TNRC6A: variants seen among roughly 807,000 people sequenced by gnomAD.
The protein encoded by TNRC6A is trinucleotide repeat-containing gene 6A protein.
TNRC6A carries 44 observed loss-of-function variants against 221.2 expected under a neutral mutation model. The ratio of observed to expected loss-of-function variants is 0.20; its 90% CI spans 0.16 to 0.26. The LOEUF (loss-of-function observed/expected upper bound fraction) is 0.26, where lower values mean the gene tolerates loss of function less well. Ranked by LOEUF, TNRC6A falls within the 10% of genes least tolerant of loss-of-function variation. The probability of loss-of-function intolerance (pLI) is 1.00; values close to 1 mark genes in which losing one functional copy is unlikely to be tolerated. For missense variants in TNRC6A, 2,199 were observed against 2,404.4 expected (o/e 0.91, Z 1.79); for synonymous variants, 847 against 838.5 (o/e 1.01, Z -0.18).
intron 6 of TNRC6A, 128 bp from the exon 7 acceptor site, chr16:24,793,345 G>GT (rs1173362603): frequency 1.3e-5 from 7 of 520,086 alleles, no homozygotes; most frequent in African/African-American, 1.2e-4. Flanking sequence ...GCCTATCACA[G>GT]TATCATTATT....
chr16:24,820,345 G>A lies in TNRC6A; in HGVS notation c.5287G>A (p.Ala1763Thr), dbSNP rs149158264. The change falls in exon 22 of 25, where the codon GCC (alanine) becomes ACC (threonine). Residue 1763 changes from alanine to threonine, a missense_variant. Physicochemically the swap from Ala to Thr is moderately conservative, Grantham distance 58. Transcript: ENST00000395799. ...RIGGGWGNSD[A>T]RYTPGSSWGE... ...AGGTGGAGGATGGGGAAATTCTGACGCCAGATATACCCCAGGTAAGATGCA... is the reference window on the plus strand; with the variant it reads ...AGGTGGAGGATGGGGAAATTCTGACACCAGATATACCCCAGGTAAGATGCA... 253 of 1,613,986 alleles carry A rather than the reference G, an allele frequency of 1.6e-4. No individual in the cohort carries two copies. The highest frequency in any genetic ancestry group is 9.8e-4 in the Admixed American group (59 of 59,988).
chr16:24,718,985 C>T (rs1488353003), intron 2 of TNRC6A, among the ~76,000 whole-genome samples: 3 of 147,720 alleles, frequency 2.0e-5, no homozygotes, highest in Non-Finnish European at 3.0e-5. Flanking sequence ...TGCAGTGAGC[C>T]GAGATCGCAC....
intron 2 of TNRC6A, among the ~76,000 whole-genome samples, chr16:24,711,529 T>C (rs1449992210): frequency 1.3e-5 from 2 of 152,222 alleles, no homozygotes; most frequent in African/African-American, 4.8e-5. Context: ...ACATTCTTTC[T>C]ATGACTATAG....
chr16:24,678,081 G>C (rs1476691793), intron 2 of TNRC6A, among the ~76,000 whole-genome samples: 1 of 152,024 alleles, frequency 6.6e-6, no homozygotes. Context: ...AGGCCGAGGT[G>C]GGTGAATTGC....
At chr16:24,667,552 A>C (rs934879221) in intron 2 of TNRC6A, among the ~76,000 whole-genome samples, 12 of 152,196 alleles carry the variant, frequency 7.9e-5, no homozygotes, top group Admixed American at 5.9e-4. Flanking sequence ...ACAGACAGGG[A>C]GGGGAGGAGA....
intron 5 of TNRC6A, among the ~76,000 whole-genome samples, chr16:24,782,503 T>G (rs1414096418): frequency 6.6e-6 from 1 of 152,200 alleles, no homozygotes; most frequent in East Asian, 1.9e-4. Flanking sequence ...AATGTTTAAC[T>G]GGACCTGTAT....
chr16:24,674,014 T>G (rs1380791678), intron 2 of TNRC6A, among the ~76,000 whole-genome samples: 3 of 152,220 alleles, frequency 2.0e-5, no homozygotes. Flanking sequence ...AACATTTCCA[T>G]CATAGTTGCA....
intron 2 of TNRC6A, among the ~76,000 whole-genome samples, chr16:24,730,911 C>A (rs75295899): frequency 0.025 from 3,785 of 151,494 alleles, 164 homozygotes; most frequent in African/African-American, 0.086. Context: ...AATTAAAAAT[C>A]TTTTCTCCAG....
At chr16:24,732,471 T>G (rs2056667299) in intron 2 of TNRC6A, among the ~76,000 whole-genome samples, 1 of 152,214 alleles carries the variant, frequency 6.6e-6, no homozygotes, top group Non-Finnish European at 1.5e-5. Context: ...ACTCATCTGA[T>G]CCTTGAAAAA....
At chr16:24,673,746 A>C (rs971544898) in intron 2 of TNRC6A, among the ~76,000 whole-genome samples, 1 of 152,108 alleles carries the variant, frequency 6.6e-6, no homozygotes, top group African/African-American at 2.4e-5. Flanking sequence ...ATTTTTGTAG[A>C]GACAGACTTT....
intron 1 of TNRC6A, among the ~76,000 whole-genome samples, chr16:24,629,265 A>G (rs1045279288): frequency 6.6e-6 from 1 of 152,144 alleles, no homozygotes; most frequent in African/African-American, 2.4e-5. Context: ...TTTAACCACA[A>G]TTACAAATTT....
chr16:24,664,365 T>G (rs1384723018), intron 2 of TNRC6A, among the ~76,000 whole-genome samples: 1 of 147,676 alleles, frequency 6.8e-6, no homozygotes, highest in African/African-American at 2.5e-5. Flanking sequence ...AATAACAATA[T>G]TTATTATGTA....
chr16:24,804,643 G>A, intron 12 of TNRC6A, 62 bp from the exon 13 acceptor site: 1 of 1,529,356 alleles, frequency 6.5e-7, no homozygotes, highest in Non-Finnish European at 8.7e-7. Flanking sequence ...TTCCTGCAAT[G>A]ATTTCTCCCT....
At chr16:24,766,674 C>CTTT (rs397972605) in intron 4 of TNRC6A, among the ~76,000 whole-genome samples, 9 of 121,404 alleles carry the variant, frequency 7.4e-5, no homozygotes, top group Non-Finnish European at 1.0e-4. Context: ...TTCTTTTTAT[C>CTTT]TTTTTTTTTT....
At chr16:24,781,576 G>C (rs1014669754) in intron 5 of TNRC6A, among the ~76,000 whole-genome samples, 1 of 152,102 alleles carries the variant, frequency 6.6e-6, no homozygotes, top group Non-Finnish European at 1.5e-5. Context: ...CTTTGTTTCA[G>C]ATCTCGCCAC....
intron 1 of TNRC6A, among the ~76,000 whole-genome samples, chr16:24,633,673 G>A (rs1277129508): frequency 2.0e-5 from 3 of 152,178 alleles, no homozygotes; most frequent in Non-Finnish European, 4.4e-5. Flanking sequence ...GATTACAGGC[G>A]TGAGCCACTG....
At chr16:24,653,335 G>A (rs1372739521) in intron 2 of TNRC6A, among the ~76,000 whole-genome samples, 5 of 152,084 alleles carry the variant, frequency 3.3e-5, no homozygotes, top group African/African-American at 1.2e-4. Flanking sequence ...CTTCGGAATC[G>A]ATTTTTAAAA....
intron 2 of TNRC6A, among the ~76,000 whole-genome samples, chr16:24,732,019 G>C (rs2056656099): frequency 6.6e-6 from 1 of 152,190 alleles, no homozygotes; most frequent in Non-Finnish European, 1.5e-5. Flanking sequence ...AATAACAGTA[G>C]TACTAGGTAG....
At chr16:24,797,025 A>G (rs1349278177) in intron 9 of TNRC6A, among the ~76,000 whole-genome samples, 1 of 152,230 alleles carries the variant, frequency 6.6e-6, no homozygotes, top group Non-Finnish European at 1.5e-5. Flanking sequence ...TGTGGAAAAC[A>G]CATGGTGTTT....
Sources: allele counts gnomAD v4.1 joint callset (sites outside exome capture counted in the v4.1 genomes callset), GRCh38; gene constraint gnomAD v4.1.1; transcripts MANE v1.5; gene names NCBI Gene and HGNC (gene_info 2026-07-23, HGNC 2026-07-21).